Variants in GALK2 observed in about 807,000 individuals in gnomAD.
The protein encoded by GALK2 is N-acetylgalactosamine kinase.
In GALK2, 36 loss-of-function variants were observed where a neutral mutation model predicts 52.4. That is an observed-to-expected ratio of 0.69 (90% CI 0.53 to 0.91). The LOEUF (loss-of-function observed/expected upper bound fraction) is 0.91. Ranked by LOEUF, GALK2 falls within the 40% of genes least tolerant of loss-of-function variation. The pLI is 0.00. For missense variants in GALK2, 579 were observed against 559.1 expected (o/e 1.04, Z -0.36); for synonymous variants, 176 against 199.1 (o/e 0.88, Z 0.98).
exon 4 of GALK2, chr15:49,367,610 T>G (rs1354818627): frequency 6.5e-7 from 1 of 1,547,112 alleles, no homozygotes; most frequent in African/African-American, 1.4e-5. Flanking sequence ...ATAGTGCGAC[T>G]GTAAGAGGAA....
intron 3 of GALK2, chr15:49,366,031 A>C (rs1049856392): frequency 8.7e-6 from 7 of 805,758 alleles, no homozygotes; most frequent in Middle Eastern, 7.0e-4. Flanking sequence ...AAGAGGACTA[A>C]AAGTTAGATA....
At chr15:49,221,395 G>T (rs2089780977) in intron 3 of GALK2, among the ~76,000 whole-genome samples, 1 of 152,166 alleles carries the variant, frequency 6.6e-6, no homozygotes, top group Admixed American at 6.5e-5. Context: ...GCCGAGCGTG[G>T]TGGCTCATGC....
At chr15:49,156,046 CAT>C in intron 1 of GALK2, 1 of 1,612,474 alleles carries the variant, frequency 6.2e-7, no homozygotes, top group Non-Finnish European at 8.5e-7. Flanking sequence ...TGTACGTGTG[CAT>C]TTAGCCCACA....
intron 2 of GALK2, among the ~76,000 whole-genome samples, chr15:49,213,603 A>T (rs2089120647): frequency 6.6e-6 from 1 of 151,398 alleles, no homozygotes; most frequent in Non-Finnish European, 1.5e-5. Context: ...TTTATTGATG[A>T]GGTTAGCTTA....
intron 3 of GALK2, among the ~76,000 whole-genome samples, chr15:49,344,478 A>C (rs1393221745): frequency 6.6e-6 from 1 of 152,190 alleles, no homozygotes; most frequent in Non-Finnish European, 1.5e-5. Context: ...TCTTTATGTG[A>C]AATCACTAGT....
intron 2 of GALK2, among the ~76,000 whole-genome samples, chr15:49,215,560 A>T (rs71467668): frequency 6.6e-6 from 1 of 152,208 alleles, no homozygotes; most frequent in Admixed American, 6.5e-5. Flanking sequence ...TTTCAGCTGC[A>T]GAATTTCTGT....
chr15:49,256,209 T>A (rs1354721383), intron 5 of GALK2, among the ~76,000 whole-genome samples: 1 of 152,168 alleles, frequency 6.6e-6, no homozygotes, highest in East Asian at 1.9e-4. Flanking sequence ...TTAAGGGGTT[T>A]ATGCTACACA....
intron 5 of GALK2, among the ~76,000 whole-genome samples, chr15:49,276,404 T>G (rs1211628520): frequency 6.6e-6 from 1 of 152,212 alleles, no homozygotes; most frequent in Non-Finnish European, 1.5e-5. Context: ...AGAATGGTGT[T>G]CCTGAATTCA....
intron 3 of GALK2, chr15:49,365,741 T>C (rs1278551081): frequency 1.1e-6 from 1 of 877,620 alleles, no homozygotes. Context: ...TCTTGTAAAA[T>C]CCAAGCCCAC....
chr15:49,192,493 A>ATATG (rs1566921743), intron 1 of GALK2, among the ~76,000 whole-genome samples: 1 of 28,220 alleles, frequency 3.5e-5, no homozygotes, highest in Non-Finnish European at 7.8e-5. Context: ...ATGTATATAT[A>ATATG]TATATATATA....
At chr15:49,207,926 C>T (rs2413937) in intron 2 of GALK2, among the ~76,000 whole-genome samples, 51,622 of 151,946 alleles carry the variant, frequency 0.34, 9,374 homozygotes, top group East Asian at 0.58. Context: ...GCACCCACCA[C>T]CATGCCCAGC....
chr15:49,356,263 G>A (rs1414126700), intron 3 of GALK2, among the ~76,000 whole-genome samples: 1 of 151,800 alleles, frequency 6.6e-6, no homozygotes, highest in Non-Finnish European at 1.5e-5. Flanking sequence ...TGGACTAAAT[G>A]CTCCAATTAA....
chr15:49,204,539 G>T (rs1415365587), intron 2 of GALK2, among the ~76,000 whole-genome samples: 1 of 151,560 alleles, frequency 6.6e-6, no homozygotes, highest in Admixed American at 6.6e-5. Flanking sequence ...CATTGTACAG[G>T]TCTTTTATCA....
At chr15:49,229,780 C>G (rs2090399528) in intron 3 of GALK2, among the ~76,000 whole-genome samples, 1 of 152,048 alleles carries the variant, frequency 6.6e-6, no homozygotes, top group Non-Finnish European at 1.5e-5. Flanking sequence ...GTTGCTTTTA[C>G]TGGCAGCAGT....
chr15:49,208,476 A>G (rs577603188), intron 2 of GALK2, among the ~76,000 whole-genome samples: 4 of 152,154 alleles, frequency 2.6e-5, no homozygotes, highest in Admixed American at 2.6e-4. Flanking sequence ...GGTTCCTTTT[A>G]TAGTTGATTT....
chr15:49,168,502 T>C (rs2084897723), upstream of GALK2, among the ~76,000 whole-genome samples: 1 of 152,178 alleles, frequency 6.6e-6, no homozygotes, highest in Non-Finnish European at 1.5e-5. Context: ...GCTGATCACC[T>C]GAGGTCAGGA....
At chr15:49,367,725 GA>G (rs1210000888) in exon 4 of GALK2, 1 of 982,586 alleles carries the variant, frequency 1.0e-6, no homozygotes, top group Non-Finnish European at 1.4e-6. Flanking sequence ...TAAAATAAAG[GA>G]AATTCTACAA....
intron 3 of GALK2, among the ~76,000 whole-genome samples, chr15:49,231,617 A>G (rs1179182682): frequency 7.2e-5 from 11 of 152,234 alleles, no homozygotes; most frequent in Non-Finnish European, 1.6e-4. Context: ...AGCCTGTAAA[A>G]TAAAAAATGG....
chr15:49,166,011 C>G (rs957688269), upstream of GALK2, among the ~76,000 whole-genome samples: 2 of 151,904 alleles, frequency 1.3e-5, no homozygotes, highest in Non-Finnish European at 2.9e-5. Flanking sequence ...ACTGTGTTAG[C>G]CAGGATGGTC....
Sources: gnomAD v4.1 joint callset for allele counts (sites outside exome capture counted in the v4.1 genomes callset) on GRCh38, gnomAD v4.1.1 for gene constraint, MANE v1.5 for transcripts, NCBI Gene and HGNC (gene_info 2026-07-23, HGNC 2026-07-21) for gene names.